HMCN2: variants seen among roughly 807,000 people sequenced by gnomAD.
The protein encoded by HMCN2 is hemicentin 2.
In HMCN2, 325 loss-of-function variants were observed where a neutral mutation model predicts 377.5. That is an observed-to-expected ratio of 0.86 (90% CI 0.79 to 0.94). The LOEUF (loss-of-function observed/expected upper bound fraction) is 0.94, where lower values mean the gene tolerates loss of function less well. Ranked by LOEUF, HMCN2 falls within the 40% of genes least tolerant of loss-of-function variation. The pLI is 0.00. For synonymous variants in HMCN2, 2,007 were observed against 2,046.8 expected (o/e 0.98, Z 0.53); for missense variants, 4,543 against 4,725.3 (o/e 0.96, Z 1.13).
chr9:130,368,013 G>A (rs1183387342), intron 43 of HMCN2, among the ~76,000 whole-genome samples: 1 of 151,366 alleles, frequency 6.6e-6, no homozygotes, highest in East Asian at 1.9e-4. Flanking sequence ...GGAGGGCTCA[G>A]GCCAGAGTAG....
Position 130,425,718 on chromosome 9 carries a change from C to T in HMCN2, c.13673C>T (p.Pro4558Leu), listed in dbSNP as rs1201387278. 1 of 1,550,316 alleles carries T rather than the reference C, an allele frequency of 6.5e-7. No homozygotes were observed. Among genetic ancestry groups the T allele is most frequent in the Non-Finnish European group, 8.7e-7 (1 of 1,146,944 alleles). ...GAGGAGCACTACGTGCAAACAGGGC[C>T]TGGCCAGCTGTTCGTGGGCTCCACA... ...DFEEHYVQTG[P>L]GQLFVGSTQR... Residue 4558 changes from proline (P) to leucine (L), a missense_variant, in exon 90 of 98, where the codon CCT (proline) becomes CTT (leucine). Physicochemically the swap from Pro to Leu is moderately conservative, Grantham distance 98. This residue lies in a region of HMCN2 where 1,155 missense variants were observed against 1,157.7 expected (regional missense o/e 1.00). Transcript: ENST00000683500.
At chr9:130,354,351 C>T (rs1330168826) in intron 31 of HMCN2, among the ~76,000 whole-genome samples, 1 of 152,202 alleles carries the variant, frequency 6.6e-6, no homozygotes. Flanking sequence ...TCAGGTCTGC[C>T]CCAGTCTTCT....
intron 22 of HMCN2, among the ~76,000 whole-genome samples, chr9:130,333,645 T>A (rs1031333041): frequency 2.6e-5 from 4 of 152,214 alleles, no homozygotes; most frequent in African/African-American, 4.8e-5. Context: ...CCTCGGAGAC[T>A]CTGTGGCCTC....
Position 130,427,540 on chromosome 9 carries a change from C to T in HMCN2, c.13986C>T (p.Ala4662=), listed in dbSNP as rs1192496790. Residue 4662 remains alanine, a synonymous_variant, in exon 92 of 98, where the codon GCC becomes GCT. Transcript: ENST00000683500. ...GAGGCCCTAGCCCCTGCTCCCATGC[C>T]TGCCTTAATGCACCCGGCCGCTTCT... The part of the protein sequence containing the change: ...CSGGPSPCSH[A]CLNAPGRFSC... The T allele has an allele frequency of 4.5e-6, 7 of 1,550,424 alleles. No homozygotes were observed. Among genetic ancestry groups the T allele is most frequent in the Non-Finnish European group, 6.1e-6 (7 of 1,146,982 alleles).
In HMCN2 at chr9:130,360,848, T is replaced by G. The variant is rs1840350013; in HGVS notation, c.5950+244T>G. Among the ~76,000 whole-genome samples the G allele has an allele frequency of 6.8e-6, 1 of 147,534 alleles. No individual in the cohort carries two copies. Among genetic ancestry groups the G allele is most frequent in the Non-Finnish European group, 1.5e-5 (1 of 66,844 alleles). On this transcript the variant is annotated intron_variant, in intron 38 of 97. Transcript: ENST00000683500. The surrounding 1 kb of genome is among the most constrained non-coding windows in gnomAD (Gnocchi z 4.7). ...ATCCACCCATCCACTCATCCACCTATCCACCCATCCATCCATCAACTCATC... is the reference window on the plus strand; with the variant it reads ...ATCCACCCATCCACTCATCCACCTAGCCACCCATCCATCCATCAACTCATC...
intron 19 of HMCN2, among the ~76,000 whole-genome samples, chr9:130,325,087 C>T (rs1361010912): frequency 2.6e-5 from 2 of 75,626 alleles, no homozygotes; most frequent in African/African-American, 4.2e-5. Flanking sequence ...TCTTCTTCTT[C>T]TTCTTCTTCT....
intron 61 of HMCN2, among the ~76,000 whole-genome samples, chr9:130,388,080 G>A (rs559940423): frequency 4.6e-5 from 7 of 152,282 alleles, no homozygotes; most frequent in Admixed American, 1.3e-4. Flanking sequence ...TGTTCCGCTG[G>A]TGGTGTCTGC....
At chr9:130,410,021 C>T (rs10901313) in intron 84 of HMCN2, among the ~76,000 whole-genome samples, 27,853 of 152,062 alleles carry the variant, frequency 0.18, 3,272 homozygotes, top group East Asian at 0.4. Flanking sequence ...ACGCTGCAAA[C>T]GATCTCCCTT....
chr9:130,317,568 C>T (rs1837629943), intron 15 of HMCN2, among the ~76,000 whole-genome samples: 1 of 150,516 alleles, frequency 6.6e-6, no homozygotes, highest in Non-Finnish European at 1.5e-5. Flanking sequence ...TATCTCGGCT[C>T]CCTCCAACCT....
chr9:130,319,960 T>C (rs1311455339), intron 16 of HMCN2, among the ~76,000 whole-genome samples: 1 of 152,160 alleles, frequency 6.6e-6, no homozygotes, highest in Non-Finnish European at 1.5e-5. Context: ...GGATAATCTG[T>C]ACAAAGTGCT....
chr9:130,418,882 C>CA lies in HMCN2; in HGVS notation c.13073dup (p.Ala4359GlyfsTer183). 1 of 1,549,898 alleles carries CA rather than the reference C, an allele frequency of 6.5e-7. No individual in the cohort carries two copies. Among genetic ancestry groups the CA allele is most frequent in the Non-Finnish European group, 8.7e-7 (1 of 1,146,522 alleles). On this transcript the variant is annotated frameshift_variant, in exon 86 of 98. Transcript: ENST00000683500. LOFTEE classifies it high-confidence loss of function. ...GCCCACACCCACCATTGAATGGCTA[C>CA]AGGCGGGTCAACCCTTGCGGGCCAG... is the stretch of plus-strand genomic sequence containing the variant.
chr9:130,300,208 C>CATTCAATATTA (rs1836430687), intron 8 of HMCN2, among the ~76,000 whole-genome samples: 1 of 151,928 alleles, frequency 6.6e-6, no homozygotes, highest in Admixed American at 6.6e-5. Context: ...TCTACCCACC[C>CATTCAATATTA]ATTCACTATT....
At chr9:130,379,813 T>C (rs533332876) in intron 54 of HMCN2, among the ~76,000 whole-genome samples, 2 of 152,354 alleles carry the variant, frequency 1.3e-5, no homozygotes, top group African/African-American at 4.8e-5. Context: ...TAGCTGGGCA[T>C]TGAAGGGCAC....
rs925419202 is a variant in HMCN2 at position 130,375,750 on chromosome 9, G to T, written c.7804+14G>T. ...AGCTGCTCCCAGGTGACGCCCTCTG[G>T]GGGGAAAGGAGGGAGGGAACAGGTG... On this transcript the variant is annotated intron_variant, in intron 50 of 97. Coordinates refer to ENST00000683500, the MANE Select transcript of HMCN2 (RefSeq NM_001291815.2). 5.1e-6 allele frequency: 5 copies of T among 985,812 alleles called. No homozygotes were observed. Among genetic ancestry groups the T allele is most frequent in the Non-Finnish European group, 6.0e-6 (5 of 829,930 alleles). The allele number at this position is 985,812 out of a possible 1,614,324, so 61.1% of individuals were successfully genotyped here.
At chr9:130,281,732 A>C (rs1835134800) in intron 1 of HMCN2, among the ~76,000 whole-genome samples, 1 of 152,046 alleles carries the variant, frequency 6.6e-6, no homozygotes, top group African/African-American at 2.4e-5. Flanking sequence ...CGTCTCTACT[A>C]AAAATACAAA....
intron 8 of HMCN2, among the ~76,000 whole-genome samples, chr9:130,300,068 TATCCACTCACCC>T (rs782108447): frequency 1.7e-4 from 23 of 134,286 alleles, no homozygotes; most frequent in Admixed American, 1.0e-3. Flanking sequence ...CCTACCCATC[TATCCACTCACCC>T]ATCCACTCAC....
chr9:130,280,150 GTTTT>G (rs1226580626), intron 1 of HMCN2, among the ~76,000 whole-genome samples: 125 of 50,382 alleles, frequency 2.5e-3, no homozygotes, highest in Non-Finnish European at 2.9e-3. Flanking sequence ...GTGTGTGTGT[GTTTT>G]TTTTTTTTTT....
chr9:130,289,999 C>T (rs1304099930), intron 4 of HMCN2, among the ~76,000 whole-genome samples: 2 of 152,182 alleles, frequency 1.3e-5, no homozygotes, highest in Admixed American at 6.5e-5. Context: ...TTATCTGCTG[C>T]GAAGGGTCGA....
intron 44 of HMCN2, 54 bp downstream of exon 44, chr9:130,368,491 A>C (rs928091418): frequency 2.1e-6 from 2 of 952,368 alleles, no homozygotes; most frequent in African/African-American, 1.8e-5. Flanking sequence ...CTGGCTGGGC[A>C]GGCGCTGCCC....
Sources: gnomAD v4.1 joint callset for allele counts (sites outside exome capture counted in the v4.1 genomes callset) on GRCh38, gnomAD v4.1.1 for gene constraint, gnomAD v4.1.1 regional missense constraint, Gnocchi (gnomAD v3.1) non-coding constraint, MANE v1.5 for transcripts, NCBI Gene and HGNC (gene_info 2026-07-23, HGNC 2026-07-21) for gene names.